The following COLEC11 variants were observed in gnomAD, a reference collection of about 807,000 sequenced individuals.
COLEC11 encodes the protein collectin-11.
COLEC11 carries 20 observed loss-of-function variants against 27.3 expected under a neutral mutation model. The ratio of observed to expected loss-of-function variants is 0.73; its 90% CI spans 0.51 to 1.06. The LOEUF is 1.06. Among genes scored for constraint, COLEC11 ranks in the 50% least tolerant of loss-of-function variants. COLEC11 has a pLI of 0.00. For synonymous variants in COLEC11, 163 were observed against 154.7 expected (o/e 1.05, Z -0.40); for missense variants, 310 against 383.0 (o/e 0.81, Z 1.59).
intron 2 of COLEC11, among the ~76,000 whole-genome samples, chr2:3,607,194 G>C (rs12618238): frequency 0.71 from 107,492 of 151,964 alleles, 38,292 homozygotes; most frequent in South Asian, 0.87. Flanking sequence ...TGGTGCTTGA[G>C]ATGACATTTA....
intron 3 of COLEC11, among the ~76,000 whole-genome samples, chr2:3,624,507 C>CT (rs1664392248): frequency 1.3e-5 from 2 of 152,168 alleles, no homozygotes; most frequent in African/African-American, 2.4e-5. Flanking sequence ...GGGCAGCATC[C>CT]TGCATGGCTG....
chr2:3,633,007 C>A (rs935376467), intron 3 of COLEC11, among the ~76,000 whole-genome samples: 6 of 152,192 alleles, frequency 3.9e-5, no homozygotes, highest in African/African-American at 1.4e-4. Context: ...ATGGGGAGGG[C>A]GCGAGGGGCT....
intron 3 of COLEC11, among the ~76,000 whole-genome samples, chr2:3,627,513 A>T (rs1227569435): frequency 1.3e-5 from 2 of 149,228 alleles, no homozygotes; most frequent in African/African-American, 5.0e-5. Context: ...TCTGGGCATA[A>T]TAACGGTAGA....
At chr2:3,633,611 A>C (rs1411546804) in intron 3 of COLEC11, among the ~76,000 whole-genome samples, 1 of 152,188 alleles carries the variant, frequency 6.6e-6, no homozygotes, top group East Asian at 1.9e-4. Context: ...GCGAGGGGAC[A>C]GAGCGGGGAC....
At chr2:3,629,994 ATG>A (rs987533150) in intron 3 of COLEC11, among the ~76,000 whole-genome samples, 2 of 152,190 alleles carry the variant, frequency 1.3e-5, no homozygotes, top group Admixed American at 6.5e-5. Context: ...AAATGCATGA[ATG>A]TGTGCATGCA....
intron 5 of COLEC11, chr2:3,641,418 C>G (rs1290558472): frequency 7.7e-7 from 1 of 1,291,138 alleles, no homozygotes; most frequent in African/African-American, 1.5e-5. Flanking sequence ...CTCTGGGAGA[C>G]AGAAGGACCT....
intron 2 of COLEC11, among the ~76,000 whole-genome samples, chr2:3,612,335 A>G (rs922170372): frequency 3.3e-5 from 5 of 152,094 alleles, no homozygotes; most frequent in Admixed American, 1.3e-4. Context: ...GGTAAGAAAT[A>G]CGGCCTTATA....
chr2:3,610,789 C>A (rs569164733), intron 2 of COLEC11, among the ~76,000 whole-genome samples: 1 of 152,302 alleles, frequency 6.6e-6, no homozygotes, highest in African/African-American at 2.4e-5. Context: ...AGGGGCTTTT[C>A]GGATCTTGCC....
chr2:3,608,897 C>T (rs145269417), intron 2 of COLEC11, among the ~76,000 whole-genome samples: 13 of 152,236 alleles, frequency 8.5e-5, no homozygotes, highest in Non-Finnish European at 1.5e-4. Flanking sequence ...TCGTGACAAC[C>T]AGCACGGTGT....
chr2:3,611,305 G>A (rs1361822336), intron 2 of COLEC11, among the ~76,000 whole-genome samples: 2 of 152,192 alleles, frequency 1.3e-5, no homozygotes, highest in Non-Finnish European at 2.9e-5. Context: ...CCGGGGACTC[G>A]CCTTTCTGCG....
chr2:3,609,063 G>A (rs1662963621), intron 2 of COLEC11, among the ~76,000 whole-genome samples: 1 of 152,232 alleles, frequency 6.6e-6, no homozygotes, highest in African/African-American at 2.4e-5. Context: ...TGGGGTGCCT[G>A]CTGCCCAGCA....
chr2:3,605,631 A>G (rs1003205164), intron 2 of COLEC11: 3 of 187,974 alleles, frequency 1.6e-5, no homozygotes, highest in South Asian at 1.8e-4. Flanking sequence ...GACCTTTTGC[A>G]ACCTGAATCC....
intron 3 of COLEC11, among the ~76,000 whole-genome samples, chr2:3,633,356 G>A (rs1665150167): frequency 6.6e-6 from 1 of 152,228 alleles, no homozygotes; most frequent in Non-Finnish European, 1.5e-5. Flanking sequence ...AAACCTGAGA[G>A]TGAGTTGAGA....
At chr2:3,613,604 G>A (rs1663412269) in intron 3 of COLEC11, among the ~76,000 whole-genome samples, 1 of 152,200 alleles carries the variant, frequency 6.6e-6, no homozygotes, top group Admixed American at 6.5e-5. Context: ...AGGAAAGAAA[G>A]TGTGTCCTGG....
chr2:3,602,717 G>C lies in COLEC11; in HGVS notation c.-26-1598G>C, dbSNP rs1299655503. Among the ~76,000 whole-genome samples the C allele has an allele frequency of 6.6e-6, 1 of 152,182 alleles. No individual in the cohort carries two copies. The highest frequency in any genetic ancestry group is 1.5e-5 in the Non-Finnish European group (1 of 68,028). On this transcript the variant is annotated intron_variant, in intron 1 of 6. Transcript: ENST00000349077. The surrounding 1 kb of genome is among the most constrained non-coding windows in gnomAD (Gnocchi z 6.2). ...CAACCCCCAAAGCTGCTGGGCGCCG[G>C]CTCCTGTCTCCTGTCCTCTGTGCCC...
intron 2 of COLEC11, among the ~76,000 whole-genome samples, chr2:3,611,516 G>A (rs1572407242): frequency 6.6e-6 from 1 of 152,100 alleles, no homozygotes; most frequent in Admixed American, 6.5e-5. Context: ...TCTTAATGCT[G>A]AGTTTATCTT....
At chr2:3,634,361 C>G (rs973528560) in intron 3 of COLEC11, among the ~76,000 whole-genome samples, 2 of 152,164 alleles carry the variant, frequency 1.3e-5, no homozygotes, top group African/African-American at 4.8e-5. Context: ...ATTCAGCTGG[C>G]TTTGCATTTC....
At position 3,604,070 on chromosome 2, in the gene COLEC11, C is replaced by G. The variant is rs577141791; in HGVS notation, c.-26-245C>G. Reference sequence around the variant, plus strand: ...GGTGGGCGAGCCGTAGGCCTTCAATCAAGGCTCACTGACCAGGGCTGGCAT... The same window carrying G: ...GGTGGGCGAGCCGTAGGCCTTCAATGAAGGCTCACTGACCAGGGCTGGCAT... On this transcript the variant is annotated intron_variant, in intron 1 of 6. Transcript: ENST00000349077. 718 of 592,502 alleles carry G rather than the reference C, an allele frequency of 1.2e-3. 6 individuals carry two copies. In the East Asian group the frequency reaches 0.02, roughly 16 times the overall value. 36.7% of individuals were successfully genotyped at this position (592,502 alleles called of 1,614,324 possible).
In COLEC11 at chr2:3,644,571, T is replaced by C; in HGVS notation, c.*453T>C. On this transcript the variant is annotated 3_prime_UTR_variant, in exon 7 of 7. Coordinates refer to ENST00000349077, the MANE Select transcript of COLEC11 (RefSeq NM_024027.5). ...CAATATAGGTTCCTTCACACTATTA[T>C]CCATGTAAAAACAATTTTGCTTTGC... is the stretch of plus-strand genomic sequence containing the variant. 1 of 393,846 alleles carries C rather than the reference T, an allele frequency of 2.5e-6. No homozygotes were observed. The highest frequency in any genetic ancestry group is 1.9e-5 in the South Asian group (1 of 53,370). The allele number at this position is 393,846 out of a possible 1,614,324, so 24.4% of individuals were successfully genotyped here. A position where few individuals can be genotyped will look rare whatever the true frequency, so the allele number is the denominator to read the frequency against.
Sources: allele counts gnomAD v4.1 joint callset (sites outside exome capture counted in the v4.1 genomes callset), GRCh38; gene constraint gnomAD v4.1.1; non-coding constraint Gnocchi (gnomAD v3.1); transcripts MANE v1.5; gene names NCBI Gene and HGNC (gene_info 2026-07-23, HGNC 2026-07-21).